The following LRFN5 variants were observed in gnomAD, a reference collection of about 807,000 sequenced individuals.
LRFN5 encodes leucine rich repeat and fibronectin type III domain containing 5.
Under a neutral mutation model 45.6 loss-of-function variants are expected in LRFN5, and 24 were observed. The observed-to-expected ratio is 0.53, with a 90% CI of 0.38 to 0.74. The LOEUF (loss-of-function observed/expected upper bound fraction) is 0.74. LRFN5 is among the 30% of genes least tolerant of loss of function. LRFN5 has a pLI of 0.00. For synonymous variants in LRFN5, 340 were observed against 313.8 expected (o/e 1.08, Z -0.88); for missense variants, 776 against 861.5 (o/e 0.90, Z 1.24).
chr14:41,803,406 C>T (rs759337097), intron 2 of LRFN5, among the ~76,000 whole-genome samples: 34 of 151,862 alleles, frequency 2.2e-4, no homozygotes, highest in South Asian at 4.2e-4. Flanking sequence ...GGTTAGAAGG[C>T]AGTGGTATGA....
rs138549215 is a variant in LRFN5 at position 41,730,624 on chromosome 14, T to C, written c.-196-36230T>C. Among the ~76,000 whole-genome samples the C allele has an allele frequency of 5.5e-3, 831 of 152,126 alleles. 7 individuals are homozygous for C. Among genetic ancestry groups the C allele is most frequent in the African/African-American group, 0.019 (780 of 41,564 alleles). On this transcript the variant is annotated intron_variant, in intron 1 of 5. Transcript: ENST00000298119. The stretch of plus-strand genomic sequence containing the variant: ...GTTTTGTACGTTAACACATATTATA[T>C]AATTTTCATTTTTAATGACTATATA...
At chr14:41,807,331 T>G (rs964920398) in intron 2 of LRFN5, among the ~76,000 whole-genome samples, 4 of 152,110 alleles carry the variant, frequency 2.6e-5, no homozygotes, top group Non-Finnish European at 5.9e-5. Flanking sequence ...GGGGACACAT[T>G]AAAGTATAGA....
intron 2 of LRFN5, among the ~76,000 whole-genome samples, chr14:41,774,793 A>G (rs549337542): frequency 4.0e-4 from 61 of 152,294 alleles, no homozygotes; most frequent in Middle Eastern, 3.4e-3. Context: ...CATGACAGAG[A>G]GGATACATAA....
At chr14:41,652,307 G>A (rs1309901246) in intron 1 of LRFN5, among the ~76,000 whole-genome samples, 1 of 151,986 alleles carries the variant, frequency 6.6e-6, no homozygotes, top group Non-Finnish European at 1.5e-5. Flanking sequence ...AGTGTAAAAT[G>A]TAAGGAAAAA....
intron 1 of LRFN5, among the ~76,000 whole-genome samples, chr14:41,714,933 C>T (rs1256129653): frequency 4.0e-5 from 6 of 151,750 alleles, no homozygotes; most frequent in Non-Finnish European, 7.4e-5. Flanking sequence ...AAAATCATTA[C>T]GACTTTTTAG....
chr14:41,839,388 T>C (rs1020769110), intron 2 of LRFN5, among the ~76,000 whole-genome samples: 2 of 152,088 alleles, frequency 1.3e-5, no homozygotes, highest in Non-Finnish European at 2.9e-5. Context: ...TATTCAGAAA[T>C]GTATATTTGA....
At chr14:41,771,719 C>T (rs1357854120) in intron 2 of LRFN5, among the ~76,000 whole-genome samples, 2 of 152,098 alleles carry the variant, frequency 1.3e-5, no homozygotes, top group Non-Finnish European at 2.9e-5. Flanking sequence ...CTTCACCATC[C>T]ATATCTCTGT....
intron 1 of LRFN5, among the ~76,000 whole-genome samples, chr14:41,713,603 C>T (rs374567185): frequency 1.1e-4 from 16 of 151,902 alleles, no homozygotes; most frequent in African/African-American, 2.2e-4. Context: ...GAAAGAAGAA[C>T]GATCAATAAA....
intron 1 of LRFN5, among the ~76,000 whole-genome samples, chr14:41,756,384 C>T (rs1300298800): frequency 1.5e-4 from 23 of 152,332 alleles, no homozygotes; most frequent in African/African-American, 5.1e-4. Context: ...CCATTCTCCC[C>T]GTCATTTTTA....
chr14:41,659,895 T>TTG (rs943658888), intron 1 of LRFN5, among the ~76,000 whole-genome samples: 4 of 151,108 alleles, frequency 2.6e-5, no homozygotes, highest in African/African-American at 9.8e-5. Context: ...TTTTGATGTT[T>TTG]TTTTTTTTTT....
intron 1 of LRFN5, among the ~76,000 whole-genome samples, chr14:41,751,738 C>A (rs763756885): frequency 8.6e-5 from 13 of 152,044 alleles, no homozygotes; most frequent in Non-Finnish European, 1.8e-4. Flanking sequence ...CCAATCTCCT[C>A]CAAACTTAAG....
At chr14:41,703,238 T>G (rs540629887) in intron 1 of LRFN5, among the ~76,000 whole-genome samples, 1 of 152,342 alleles carries the variant, frequency 6.6e-6, no homozygotes, top group East Asian at 1.9e-4. Context: ...TAATATTTGA[T>G]GATGGGTTCT....
intron 1 of LRFN5, among the ~76,000 whole-genome samples, chr14:41,718,255 A>G (rs1883571010): frequency 6.6e-6 from 1 of 152,188 alleles, no homozygotes; most frequent in Non-Finnish European, 1.5e-5. Flanking sequence ...ATGCCTGACA[A>G]ATAGATTCAC....
intron 2 of LRFN5, among the ~76,000 whole-genome samples, chr14:41,873,357 T>C (rs1890081643): frequency 6.6e-6 from 1 of 151,620 alleles, no homozygotes; most frequent in Non-Finnish European, 1.5e-5. Context: ...CTAAATATTC[T>C]TAATGCTCCG....
rs1040439850 is a variant in LRFN5, at chr14:41,795,278, T to C, written c.-21+28249T>C. On this transcript the variant is annotated intron_variant, in intron 2 of 5. Transcript: ENST00000298119. ...CGATCATTAAAAAGTCAGGAAACAA[T>C]AGGTGCTGGAGAGGATGTGGAGAAA... Among the ~76,000 whole-genome samples, 108 of 151,888 alleles carry C rather than the reference T, an allele frequency of 7.1e-4. 1 individual carries two copies. Among genetic ancestry groups the C allele is most frequent in the Middle Eastern group, 3.4e-3 (1 of 294 alleles).
intron 1 of LRFN5, among the ~76,000 whole-genome samples, chr14:41,749,905 G>A (rs1007015295): frequency 6.6e-6 from 1 of 151,870 alleles, no homozygotes; most frequent in East Asian, 1.9e-4. Context: ...TTAAGAATTG[G>A]GTTACTGATG....
intron 2 of LRFN5, among the ~76,000 whole-genome samples, chr14:41,814,893 G>T (rs1278852370): frequency 6.6e-6 from 1 of 152,236 alleles, no homozygotes; most frequent in East Asian, 1.9e-4. Flanking sequence ...TATGAAGAAA[G>T]AGAAAGAGTA....
At chr14:41,819,027 A>G (rs2139008504) in intron 2 of LRFN5, among the ~76,000 whole-genome samples, 1 of 152,278 alleles carries the variant, frequency 6.6e-6, no homozygotes, top group East Asian at 1.9e-4. Context: ...TACTTAAGAT[A>G]ATAGCCTCCA....
At position 41,855,206 on chromosome 14, in the gene LRFN5, G is replaced by A. The variant is rs548909803; in HGVS notation, c.-20-31400G>A. 1.8e-4 allele frequency among the ~76,000 whole-genome samples: 28 copies of A among 152,220 alleles called. No homozygotes were observed. In the South Asian group the frequency reaches 5.4e-3, roughly 29 times the overall value. ...GTAATAAAGCTGAATTGGCTTAAAC[G>A]TAGGGTGAATAAAGTTATAATAGTG... On this transcript the variant is annotated intron_variant, in intron 2 of 5. Transcript: ENST00000298119.
Sources: allele counts gnomAD v4.1 joint callset (sites outside exome capture counted in the v4.1 genomes callset), GRCh38; gene constraint gnomAD v4.1.1; transcripts MANE v1.5; gene names NCBI Gene and HGNC (gene_info 2026-07-23, HGNC 2026-07-21).